JAK1: variants seen among roughly 807,000 people sequenced by gnomAD.
The protein encoded by JAK1 is tyrosine-protein kinase JAK1.
In JAK1, 16 loss-of-function variants were observed where a neutral mutation model predicts 136.6. The ratio of observed to expected loss-of-function variants is 0.12; its 90% CI spans 0.08 to 0.18. The LOEUF (loss-of-function observed/expected upper bound fraction) is 0.18. JAK1 is among the 10% of genes least tolerant of loss of function. The pLI is 1.00. For missense variants in JAK1, 859 were observed against 1,450.1 expected, an observed-to-expected ratio of 0.59 and a Z score of 6.62; for synonymous variants, 492 against 519.5, an observed-to-expected ratio of 0.95 and a Z score of 0.72.
chr1:64,985,116 T>C, intron 2 of JAK1: 1 of 1,106,918 alleles, frequency 9.0e-7, no homozygotes, highest in Non-Finnish European at 1.4e-6. Flanking sequence ...TACTGCCCTT[T>C]CCACTAGAAA....
intron 2 of JAK1, among the ~76,000 whole-genome samples, chr1:65,040,202 C>CAAAAAAAAAA (rs1433600515): frequency 1.3e-5 from 2 of 149,040 alleles, no homozygotes; most frequent in African/African-American, 2.5e-5. Flanking sequence ...GCAACTAGAG[C>CAAAAAAAAAA]AAGACCCTGT....
intron 1 of JAK1, among the ~76,000 whole-genome samples, chr1:64,919,760 G>C (rs947720241): frequency 6.6e-6 from 1 of 152,056 alleles, no homozygotes; most frequent in Non-Finnish European, 1.5e-5. Flanking sequence ...CCTTAGCTAG[G>C]TTGAAAACAG....
At chr1:64,901,532 T>C (rs1176580509) in intron 1 of JAK1, among the ~76,000 whole-genome samples, 1 of 152,086 alleles carries the variant, frequency 6.6e-6, no homozygotes, top group African/African-American at 2.4e-5. Flanking sequence ...AGCCAGCAGG[T>C]GAAAAAACTC....
intron 11 of JAK1, 45 bp downstream of exon 11, chr1:64,855,464 C>A: frequency 6.3e-7 from 1 of 1,586,484 alleles, no homozygotes; most frequent in Non-Finnish European, 8.6e-7. Flanking sequence ...GGTCTCAGCA[C>A]ATTACTGATG....
At chr1:64,916,508 T>C (rs1219285693) in intron 1 of JAK1, among the ~76,000 whole-genome samples, 5 of 152,078 alleles carry the variant, frequency 3.3e-5, no homozygotes, top group Non-Finnish European at 7.4e-5. Flanking sequence ...GTAAATAATA[T>C]CTTAATTTTC....
At chr1:64,845,726 G>A in intron 14 of JAK1, 86 bp from the exon 15 acceptor site, 1 of 1,519,048 alleles carries the variant, frequency 6.6e-7, no homozygotes, top group Non-Finnish European at 9.1e-7. Context: ...CACTTCAGTG[G>A]ACACTACTCG....
intron 8 of JAK1, among the ~76,000 whole-genome samples, chr1:64,863,699 A>T (rs1289248984): frequency 1.3e-5 from 2 of 152,200 alleles, no homozygotes; most frequent in Non-Finnish European, 2.9e-5. Context: ...AAAGTTTTAT[A>T]TCCTGCTTTT....
chr1:65,045,525 T>C (rs1325468249), intron 1 of JAK1, among the ~76,000 whole-genome samples: 1 of 152,126 alleles, frequency 6.6e-6, no homozygotes, highest in Non-Finnish European at 1.5e-5. Flanking sequence ...GAAATCATGG[T>C]GGCTCTGGAG....
intron 1 of JAK1, among the ~76,000 whole-genome samples, chr1:64,959,895 G>A (rs1646252172): frequency 6.6e-6 from 1 of 152,028 alleles, no homozygotes. Context: ...TATAATTTGA[G>A]GGTTTTTTTT....
intron 2 of JAK1, chr1:64,987,758 C>T (rs1646613571): frequency 6.6e-6 from 1 of 152,184 alleles, no homozygotes; most frequent in Non-Finnish European, 1.5e-5. Context: ...AATGACTATT[C>T]TCTCTGTGAT....
At chr1:64,884,133 AC>A (rs1210781172) in intron 2 of JAK1, among the ~76,000 whole-genome samples, 2 of 152,152 alleles carry the variant, frequency 1.3e-5, no homozygotes, top group Non-Finnish European at 2.9e-5. Flanking sequence ...TTGACGCAGC[AC>A]CAGGAGGGCA....
At chr1:64,920,120 G>T (rs1645469764) in intron 1 of JAK1, among the ~76,000 whole-genome samples, 1 of 152,210 alleles carries the variant, frequency 6.6e-6, no homozygotes, top group African/African-American at 2.4e-5. Flanking sequence ...TCTGGTTAAA[G>T]AATCAAACAA....
upstream of JAK1, among the ~76,000 whole-genome samples, chr1:64,969,058 T>A (rs1189157176): frequency 6.6e-6 from 1 of 151,626 alleles, no homozygotes; most frequent in Non-Finnish European, 1.5e-5. Context: ...TGCAGTGAGC[T>A]AGGATCACAC....
At chr1:64,907,973 C>T (rs760394920) in intron 1 of JAK1, among the ~76,000 whole-genome samples, 7 of 152,070 alleles carry the variant, frequency 4.6e-5, no homozygotes, top group Admixed American at 1.3e-4. Context: ...TCATATTTTT[C>T]GAATATGGAA....
chr1:64,944,345 TTGAG>T (rs1383214259), intron 1 of JAK1, among the ~76,000 whole-genome samples: 1 of 151,958 alleles, frequency 6.6e-6, no homozygotes, highest in Admixed American at 6.6e-5. Context: ...TATCCACAAA[TTGAG>T]TATGATGACA....
intron 1 of JAK1, among the ~76,000 whole-genome samples, chr1:64,932,191 G>C (rs948762655): frequency 6.6e-6 from 1 of 150,608 alleles, no homozygotes; most frequent in Non-Finnish European, 1.5e-5. Flanking sequence ...GAGGTGGGGG[G>C]ATCACGAGTT....
chr1:65,019,771 C>G (rs759413833), intron 2 of JAK1, among the ~76,000 whole-genome samples: 6 of 151,900 alleles, frequency 3.9e-5, no homozygotes, highest in Non-Finnish European at 7.4e-5. Context: ...CAAAAATTAG[C>G]AAGGTGTGGT....
intron 2 of JAK1, among the ~76,000 whole-genome samples, chr1:65,040,099 C>T (rs1415243223): frequency 6.6e-6 from 1 of 151,934 alleles, no homozygotes; most frequent in Non-Finnish European, 1.5e-5. Context: ...CCTATAATCC[C>T]AGCTACTCGG....
chr1:64,986,989 G>A (rs994520707), intron 2 of JAK1, among the ~76,000 whole-genome samples: 16 of 152,132 alleles, frequency 1.1e-4, no homozygotes, highest in African/African-American at 3.9e-4. Context: ...AGGCCTTAAC[G>A]TTGTAAGATG....
Sources: gnomAD v4.1 joint callset for allele counts (sites outside exome capture counted in the v4.1 genomes callset) on GRCh38, gnomAD v4.1.1 for gene constraint, MANE v1.5 for transcripts, NCBI Gene and HGNC (gene_info 2026-07-23, HGNC 2026-07-21) for gene names.